Variants in PTPN12 observed in about 807,000 individuals in gnomAD.
PTPN12 encodes tyrosine-protein phosphatase non-receptor type 12.
A neutral mutation model predicts 97.6 loss-of-function variants in PTPN12; 29 were observed. The ratio of observed to expected loss-of-function variants is 0.30; its 90% CI spans 0.22 to 0.41. The LOEUF (loss-of-function observed/expected upper bound fraction) is 0.41, where lower values mean the gene tolerates loss of function less well. PTPN12 is among the 10% of genes least tolerant of loss of function. The probability of loss-of-function intolerance (pLI) is 1.00; values close to 1 mark genes in which losing one functional copy is unlikely to be tolerated. For synonymous variants in PTPN12, 327 were observed against 300.4 expected (o/e 1.09, Z -0.91); for missense variants, 819 against 926.0 (o/e 0.88, Z 1.50).
intron 1 of PTPN12, among the ~76,000 whole-genome samples, chr7:77,563,213 A>T (rs1255536208): frequency 6.6e-6 from 1 of 152,214 alleles, no homozygotes; most frequent in Non-Finnish European, 1.5e-5. Context: ...CCCTATTGTG[A>T]AGTAGAAATG....
chr7:77,539,668 G>A (rs528998069), intron 1 of PTPN12, among the ~76,000 whole-genome samples: 10 of 151,856 alleles, frequency 6.6e-5, no homozygotes, highest in South Asian at 2.1e-4. Context: ...ACGCTCTGTC[G>A]CCCCGGCTGG....
chr7:77,610,956 T>C lies in PTPN12; in HGVS notation c.849T>C (p.Tyr283=), dbSNP rs762927585. ...RHSAVQTKEQ[Y]ELVHRAIAQL... is the part of the protein sequence containing the mutation. ...ATTTTTCTCCTTCATAGGAGCAATA[T>C]GAACTTGTTCATAGAGCTATTGCCC... Residue 283 remains tyrosine, a synonymous_variant, in exon 11 of 18, where the codon TAT becomes TAC. Coordinates refer to ENST00000248594, the MANE Select transcript of PTPN12 (RefSeq NM_002835.4). 5.6e-6 allele frequency: 9 copies of C among 1,609,614 alleles called. No individual in the cohort carries two copies. Among genetic ancestry groups the C allele is most frequent in the Non-Finnish European group, 7.6e-6 (9 of 1,178,452 alleles).
intron 6 of PTPN12, 80 bp from the exon 7 acceptor site, chr7:77,597,762 G>T: frequency 6.8e-7 from 1 of 1,477,364 alleles, no homozygotes; most frequent in Non-Finnish European, 9.0e-7. Context: ...TGTGGACTTT[G>T]ATACAAGTAT....
chr7:77,618,551 A>C lies in PTPN12; in HGVS notation c.1011A>C (p.Pro337=). 6.2e-7 allele frequency: 1 copy of C among 1,602,696 alleles called. No homozygotes were observed. The highest frequency in any genetic ancestry group is 2.2e-5 in the East Asian group (1 of 44,720). ...PEKQDSPPPK[P]PRTRSCLVEG... is the part of the protein sequence containing the mutation. Reference sequence around the variant, plus strand: ...AACAAGATTCTCCTCCTCCAAAACCACCAAGGACCCGCAGGTATTGTATGT... The same window carrying C: ...AACAAGATTCTCCTCCTCCAAAACCCCCAAGGACCCGCAGGTATTGTATGT... Residue 337 remains proline (P), a synonymous_variant, in exon 12 of 18, where the codon CCA becomes CCC. Coordinates refer to ENST00000248594, the MANE Select transcript of PTPN12 (RefSeq NM_002835.4).
At chr7:77,622,211 T>C (rs990842254) in intron 12 of PTPN12, among the ~76,000 whole-genome samples, 2 of 152,184 alleles carry the variant, frequency 1.3e-5, no homozygotes, top group African/African-American at 4.8e-5. Context: ...CATTTTGGCC[T>C]CCCAAAGTGC....
intron 1 of PTPN12, 46 bp downstream of exon 1, chr7:77,537,691 C>A: frequency 6.5e-7 from 1 of 1,530,256 alleles, no homozygotes; most frequent in Non-Finnish European, 8.8e-7. Flanking sequence ...GGCGCCGGAG[C>A]CCATCGCCGC....
At chr7:77,622,894 A>G (rs948230224) in intron 12 of PTPN12, among the ~76,000 whole-genome samples, 2 of 151,986 alleles carry the variant, frequency 1.3e-5, no homozygotes, top group African/African-American at 4.8e-5. Flanking sequence ...CATTTCAAGA[A>G]AATGAATGGA....
In PTPN12 at chr7:77,627,559, C is replaced by A; in HGVS notation, c.1880C>A (p.Ala627Glu). 2 of 1,614,060 alleles carry A rather than the reference C, an allele frequency of 1.2e-6. No individual in the cohort carries two copies. Among genetic ancestry groups the A allele is most frequent in the Non-Finnish European group, 1.7e-6 (2 of 1,180,006 alleles). Residue 627 changes from alanine (A) to glutamate (E), a missense_variant, in exon 13 of 18, where the codon GCA becomes GAA. Physicochemically the swap from Ala to Glu is moderately radical, Grantham distance 107. Around this residue, in one of 5 missense-constraint regions of PTPN12, gnomAD observed 607 missense variants for 577.3 expected, o/e 1.05. Transcript: ENST00000248594. ...VTQNKTNIST[A>E]SATVSAATST... ...CAGAATAAAACTAATATTTCAACAG[C>A]AAGTGCCACAGTTTCTGCTGCCACT... is the stretch of plus-strand genomic sequence containing the variant.
chr7:77,637,960 T>A (rs1372850492), intron 16 of PTPN12, among the ~76,000 whole-genome samples: 3 of 119,838 alleles, frequency 2.5e-5, no homozygotes, highest in Non-Finnish European at 5.3e-5. Context: ...TTTTTTTTTT[T>A]TTTTTTTTTT....
intron 1 of PTPN12, among the ~76,000 whole-genome samples, chr7:77,564,765 T>TTTTG (rs1562715218): frequency 1.8e-5 from 2 of 110,542 alleles, no homozygotes; most frequent in African/African-American, 3.4e-5. Flanking sequence ...TTTTTTTTTT[T>TTTTG]TTTTTTTTTT....
chr7:77,579,339 G>T (rs1787439657), intron 2 of PTPN12, among the ~76,000 whole-genome samples: 1 of 152,046 alleles, frequency 6.6e-6, no homozygotes, highest in African/African-American at 2.4e-5. Flanking sequence ...GGGCCAGGCT[G>T]GTCTCAAACT....
At chr7:77,629,142 G>C (rs1170617370) in intron 13 of PTPN12, among the ~76,000 whole-genome samples, 1 of 151,522 alleles carries the variant, frequency 6.6e-6, no homozygotes, top group Non-Finnish European at 1.5e-5. Context: ...GTAGAGACAG[G>C]GTTTCACTGT....
intron 7 of PTPN12, among the ~76,000 whole-genome samples, chr7:77,598,796 C>T (rs1431865730): frequency 3.3e-5 from 5 of 151,140 alleles, no homozygotes; most frequent in South Asian, 2.1e-4. Context: ...TGCTTTATAT[C>T]TGCAAAATGC....
chr7:77,587,896 G>T (rs1396710669), intron 5 of PTPN12, among the ~76,000 whole-genome samples: 1 of 152,182 alleles, frequency 6.6e-6, no homozygotes, highest in East Asian at 1.9e-4. Context: ...TAAACTTCGT[G>T]AACCAGCCTT....
intron 8 of PTPN12, among the ~76,000 whole-genome samples, chr7:77,605,277 G>A (rs1300572108): frequency 6.6e-6 from 1 of 152,014 alleles, no homozygotes. Context: ...ACAACTTTGT[G>A]GGGGTTTTTG....
chr7:77,602,576 C>G (rs1267029274), intron 8 of PTPN12, among the ~76,000 whole-genome samples: 1 of 151,368 alleles, frequency 6.6e-6, no homozygotes, highest in Non-Finnish European at 1.5e-5. Context: ...ACACCAATTA[C>G]ACTACTGCAC....
At chr7:77,539,843 G>A (rs998451028) in intron 1 of PTPN12, among the ~76,000 whole-genome samples, 1 of 152,130 alleles carries the variant, frequency 6.6e-6, no homozygotes, top group African/African-American at 2.4e-5. Context: ...ACCACGCCCT[G>A]CTAATTTTGT....
chr7:77,565,829 G>A (rs1392233438), intron 1 of PTPN12, among the ~76,000 whole-genome samples: 1 of 152,170 alleles, frequency 6.6e-6, no homozygotes, highest in Non-Finnish European at 1.5e-5. Flanking sequence ...ATGTTTCTCT[G>A]ACTTGTCTGA....
chr7:77,621,540 GCA>G (rs1788938203), intron 12 of PTPN12, among the ~76,000 whole-genome samples: 1 of 151,970 alleles, frequency 6.6e-6, no homozygotes, highest in Non-Finnish European at 1.5e-5. Context: ...GTTGTGGCGG[GCA>G]CCTGTAGTCT....
Sources: allele counts gnomAD v4.1 joint callset (sites outside exome capture counted in the v4.1 genomes callset), GRCh38; gene constraint gnomAD v4.1.1; regional missense constraint gnomAD v4.1.1; transcripts MANE v1.5; gene names NCBI Gene and HGNC (gene_info 2026-07-23, HGNC 2026-07-21).